UNC13C: variants seen among roughly 807,000 people sequenced by gnomAD.
The protein encoded by UNC13C is unc-13 homolog C.
A neutral mutation model predicts 245.4 loss-of-function variants in UNC13C; 174 were observed. That is an observed-to-expected ratio of 0.71 (90% CI 0.63 to 0.80). The LOEUF is 0.80. Ranked by LOEUF, UNC13C falls within the 30% of genes least tolerant of loss-of-function variation. UNC13C has a pLI of 0.00. For synonymous variants in UNC13C, 992 were observed against 895.1 expected (o/e 1.11, Z -1.93); for missense variants, 2,829 against 2,602.9 (o/e 1.09, Z -1.89).
chr15:54,032,431 G>C (rs1286922050), intron 2 of UNC13C, among the ~76,000 whole-genome samples: 3 of 152,188 alleles, frequency 2.0e-5, no homozygotes, highest in Non-Finnish European at 4.4e-5. Context: ...TCATTGCGTT[G>C]ATGAGTGATT....
At chr15:53,970,152 C>T in the UNC13C span, among the ~76,000 whole-genome samples, 2 of 152,102 alleles carry the variant, frequency 1.3e-5, no homozygotes, top group African/African-American at 4.8e-5. Context: ...TTGCTCCAAC[C>T]TTTGCCTCCC....
In UNC13C at chr15:54,321,996, C is replaced by T. The variant is rs1443849101; in HGVS notation, c.4326C>T (p.Ser1442=). 6.3e-7 allele frequency: 1 copy of T among 1,588,888 alleles called. No individual in the cohort carries two copies. The part of the protein sequence containing the change: ...YMCPGVPAVM[S]TLLANINAFY... ...GCCCCGGTGTCCCTGCCGTCATGAG[C>T]ACCTTGCTGGCTAATATAAATGCTT... Residue 1442 remains serine (S), a synonymous_variant, in exon 14 of 33, where the codon AGC becomes AGT. Coordinates refer to ENST00000260323, the MANE Select transcript of UNC13C (RefSeq NM_001080534.3).
At chr15:54,460,331 T>C (rs1193303906) in intron 19 of UNC13C, among the ~76,000 whole-genome samples, 1 of 152,114 alleles carries the variant, frequency 6.6e-6, no homozygotes, top group Non-Finnish European at 1.5e-5. Context: ...GAGTCCTTGG[T>C]TGTAGTTTTG....
At chr15:53,932,713 CTCTTT>C in the UNC13C span, among the ~76,000 whole-genome samples, 1 of 151,864 alleles carries the variant, frequency 6.6e-6, no homozygotes, top group African/African-American at 2.4e-5. Flanking sequence ...TAGCTTTGAC[CTCTTT>C]TCTTATTCAT....
At chr15:54,586,498 G>A (rs2141247728) in intron 30 of UNC13C, among the ~76,000 whole-genome samples, 1 of 152,210 alleles carries the variant, frequency 6.6e-6, no homozygotes, top group Middle Eastern at 3.4e-3. Context: ...CTCTTAAAAG[G>A]ACACCAGTTC....
intron 26 of UNC13C, among the ~76,000 whole-genome samples, chr15:54,539,175 T>C (rs761211636): frequency 1.6e-4 from 25 of 152,090 alleles, no homozygotes; most frequent in Non-Finnish European, 2.9e-4. Context: ...ATGACTTCTG[T>C]TTTAATTCCA....
chr15:54,471,520 C>G (rs1383342752), intron 19 of UNC13C, among the ~76,000 whole-genome samples: 2 of 151,474 alleles, frequency 1.3e-5, no homozygotes, highest in African/African-American at 4.8e-5. Context: ...CCCCCATTCC[C>G]CTTTGGCTTT....
intron 19 of UNC13C, among the ~76,000 whole-genome samples, chr15:54,491,362 A>G (rs535097179): frequency 1.1e-4 from 17 of 152,288 alleles, no homozygotes; most frequent in African/African-American, 4.1e-4. Flanking sequence ...CCAAAGGAAA[A>G]AAAAACCTTC....
At chr15:54,496,621 G>A (rs1893960593) in intron 20 of UNC13C, among the ~76,000 whole-genome samples, 1 of 151,932 alleles carries the variant, frequency 6.6e-6, no homozygotes, top group African/African-American at 2.4e-5. Context: ...GTACACCATG[G>A]AATACTACTC....
the UNC13C span, among the ~76,000 whole-genome samples, chr15:53,885,405 T>A: frequency 6.6e-6 from 1 of 152,244 alleles, no homozygotes; most frequent in Admixed American, 6.5e-5. Context: ...AGAGGGGTTC[T>A]GTTCCATACC....
chr15:53,899,303 G>T, the UNC13C span, among the ~76,000 whole-genome samples: 1 of 152,180 alleles, frequency 6.6e-6, no homozygotes, highest in Non-Finnish European at 1.5e-5. Flanking sequence ...TGCAAGAATT[G>T]CAAGAATCTG....
chr15:54,564,780 A>G (rs188120850), intron 29 of UNC13C, among the ~76,000 whole-genome samples: 1 of 152,098 alleles, frequency 6.6e-6, no homozygotes, highest in East Asian at 1.9e-4. Flanking sequence ...AGCCTCTACC[A>G]TGTTAATAAG....
chr15:54,084,610 G>A (rs1226637280), intron 2 of UNC13C, among the ~76,000 whole-genome samples: 5 of 152,096 alleles, frequency 3.3e-5, no homozygotes, highest in African/African-American at 9.6e-5. Flanking sequence ...TAGTTTTCTC[G>A]TTAGTAAATG....
chr15:54,146,373 A>G (rs1225729898), intron 4 of UNC13C, among the ~76,000 whole-genome samples: 1 of 152,192 alleles, frequency 6.6e-6, no homozygotes, highest in African/African-American at 2.4e-5. Flanking sequence ...TCAAGTGTCA[A>G]TGACAGCATA....
chr15:54,110,633 C>T (rs868391444), intron 2 of UNC13C, among the ~76,000 whole-genome samples: 18 of 152,304 alleles, frequency 1.2e-4, no homozygotes, highest in Middle Eastern at 6.8e-3. Context: ...ATAGCTCTAG[C>T]TATATGATGT....
chr15:54,623,748 A>G (rs374648540), intron 31 of UNC13C, 47 bp from the exon 32 acceptor site: 1 of 1,550,428 alleles, frequency 6.4e-7, no homozygotes, highest in Non-Finnish European at 8.8e-7. Context: ...TTCACTCTAA[A>G]TTTCCACACA....
chr15:54,158,218 C>T (rs1004115818), intron 4 of UNC13C, among the ~76,000 whole-genome samples: 2 of 152,212 alleles, frequency 1.3e-5, no homozygotes, highest in Non-Finnish European at 2.9e-5. Context: ...AATAAGTAGA[C>T]CTCATCAGAG....
chr15:54,363,660 T>C (rs1165764381), intron 17 of UNC13C, among the ~76,000 whole-genome samples: 1 of 152,140 alleles, frequency 6.6e-6, no homozygotes, highest in Non-Finnish European at 1.5e-5. Flanking sequence ...GACTACAGAA[T>C]TGAGAACTAA....
At chr15:54,047,536 A>G (rs1332847449) in intron 2 of UNC13C, among the ~76,000 whole-genome samples, 1 of 152,098 alleles carries the variant, frequency 6.6e-6, no homozygotes, top group Non-Finnish European at 1.5e-5. Flanking sequence ...TATGTCACTA[A>G]GCATAGGTTT....
Sources: allele counts gnomAD v4.1 joint callset (sites outside exome capture counted in the v4.1 genomes callset), GRCh38; gene constraint gnomAD v4.1.1; transcripts MANE v1.5; gene names NCBI Gene and HGNC (gene_info 2026-07-23, HGNC 2026-07-21).